Variants in CDC42BPA observed in about 807,000 individuals in gnomAD.
The protein encoded by CDC42BPA is serine/threonine-protein kinase MRCK alpha.
CDC42BPA carries 80 observed loss-of-function variants against 223.5 expected under a neutral mutation model. That is an observed-to-expected ratio of 0.36 (90% CI 0.30 to 0.43). The LOEUF is 0.43. Ranked by LOEUF, CDC42BPA falls within the 20% of genes least tolerant of loss-of-function variation. The pLI is 1.00. For missense variants in CDC42BPA, 1,743 were observed against 2,099.9 expected, an observed-to-expected ratio of 0.83 and a Z score of 3.32; for synonymous variants, 694 against 718.6, an observed-to-expected ratio of 0.97 and a Z score of 0.55.
intron 5 of CDC42BPA, among the ~76,000 whole-genome samples, chr1:227,175,146 C>T (rs990675526): frequency 6.6e-5 from 10 of 152,058 alleles, no homozygotes; most frequent in Non-Finnish European, 1.0e-4. Flanking sequence ...AATATATTTT[C>T]GTGTACATTC....
Position 227,269,322 on chromosome 1 carries a change from A to C in CDC42BPA, c.179-15167T>G, listed in dbSNP as rs115317532. Among the ~76,000 whole-genome samples the C allele has an allele frequency of 6.0e-3, 914 of 152,356 alleles. 10 individuals carry two copies. Among genetic ancestry groups the C allele is most frequent in the African/African-American group, 0.021 (861 of 41,592 alleles). On this transcript the variant is annotated intron_variant, in intron 1 of 36. Transcript: ENST00000366766. ...TTTTAAATGAGTGGGAGAAAGATGA[A>C]CTATTTGGAAAAAAACTTTAATCCA...
rs188553074 is a variant in CDC42BPA at position 227,187,122 on chromosome 1, A to T, written c.599+6664T>A. Among the ~76,000 whole-genome samples the T allele has an allele frequency of 1.3e-4, 20 of 152,352 alleles. No homozygotes were observed. In the East Asian group the frequency reaches 3.9e-3, roughly 29 times the overall value. ...TTTCTAATCTTGTTATTTAAGGTTA[A>T]CAACATCATATCTGTCTTTCAACAA... On this transcript the variant is annotated intron_variant, in intron 5 of 36. Transcript: ENST00000366766.
intron 5 of CDC42BPA, among the ~76,000 whole-genome samples, chr1:227,163,824 T>C (rs1664554209): frequency 6.6e-6 from 1 of 151,810 alleles, no homozygotes; most frequent in African/African-American, 2.4e-5. Context: ...AAGGATGGTG[T>C]CCTAATTTTC....
intron 6 of CDC42BPA, among the ~76,000 whole-genome samples, chr1:227,152,634 C>T (rs187738117): frequency 6.6e-6 from 1 of 152,210 alleles, no homozygotes; most frequent in East Asian, 1.9e-4. Context: ...CAAACTCAAG[C>T]ATACATGCAA....
chr1:227,266,740 T>C (rs77939135), intron 1 of CDC42BPA, among the ~76,000 whole-genome samples: 1,636 of 152,304 alleles, frequency 0.011, 17 homozygotes, highest in African/African-American at 0.037. Context: ...TTAACAAGCT[T>C]GACATTTTAT....
At chr1:227,270,372 G>A (rs114615510) in intron 1 of CDC42BPA, among the ~76,000 whole-genome samples, 8,199 of 152,172 alleles carry the variant, frequency 0.054, 246 homozygotes, top group Non-Finnish European at 0.073. Flanking sequence ...AGGAAAGACG[G>A]CACCTCCACT....
rs1660721885 is a variant in CDC42BPA at position 226,991,345 on chromosome 1, A to ACTC, written c.*2920_*2922dup. ...ACTTTATCTGTGAGCTGTGCTACTG[A>ACTC]CTCCTCTGAATGGTCATTATGTTTT... On this transcript the variant is annotated 3_prime_UTR_variant, in exon 37 of 37. Transcript: ENST00000366766. 6.6e-6 allele frequency: 1 copy of ACTC among 152,104 alleles called. No homozygotes were observed. Among genetic ancestry groups the ACTC allele is most frequent in the African/African-American group, 2.4e-5 (1 of 41,400 alleles). 9.4% of individuals were successfully genotyped at this position (152,104 alleles called of 1,614,324 possible).
chr1:227,101,380 T>G lies in CDC42BPA; in HGVS notation c.2002-141A>C, dbSNP rs1685031910. ...CAAAAATAAAATTCTATGTTAAATC[T>G]ACTAACTTTTTGCCTGCCATATATT... On this transcript the variant is annotated intron_variant, in intron 14 of 36. Coordinates refer to ENST00000366766, the MANE Select transcript of CDC42BPA (RefSeq NM_001394014.1). The G allele has an allele frequency of 3.4e-5, 17 of 494,178 alleles. No individual in the cohort carries two copies. The East Asian group carries it at 5.5e-4, about 16-fold the overall frequency. 30.6% of individuals were successfully genotyped at this position (494,178 alleles called of 1,614,324 possible). A position where few individuals can be genotyped will look rare whatever the true frequency, so the allele number is the denominator to read the frequency against.
intron 1 of CDC42BPA, among the ~76,000 whole-genome samples, chr1:227,258,919 G>A (rs746777436): frequency 1.3e-5 from 2 of 150,866 alleles, no homozygotes; most frequent in Non-Finnish European, 2.9e-5. Context: ...TAATCACTAC[G>A]CTACTGCCCT....
At chr1:227,025,292 T>C (rs914133278) in intron 31 of CDC42BPA, among the ~76,000 whole-genome samples, 1 of 152,028 alleles carries the variant, frequency 6.6e-6, no homozygotes, top group African/African-American at 2.4e-5. Flanking sequence ...TAATGACCAA[T>C]CCAAATTTAC....
At chr1:227,070,672 T>TG (rs1212527065) in intron 20 of CDC42BPA, among the ~76,000 whole-genome samples, 2 of 151,786 alleles carry the variant, frequency 1.3e-5, no homozygotes, top group East Asian at 3.9e-4. Flanking sequence ...CCTAGAGACT[T>TG]GGGGAAATAA....
intron 23 of CDC42BPA, among the ~76,000 whole-genome samples, chr1:227,045,861 T>C (rs1019205052): frequency 7.2e-5 from 11 of 152,218 alleles, no homozygotes; most frequent in Admixed American, 7.2e-4. Context: ...GGCTGGAGTT[T>C]AGTGGTGCGA....
intron 2 of CDC42BPA, among the ~76,000 whole-genome samples, chr1:227,218,042 T>A (rs977165776): frequency 6.6e-6 from 1 of 152,166 alleles, no homozygotes; most frequent in Non-Finnish European, 1.5e-5. Context: ...CACCTAGTAA[T>A]TGGGAATCTA....
chr1:227,013,569 C>A (rs1665627833), intron 34 of CDC42BPA, among the ~76,000 whole-genome samples: 2 of 151,988 alleles, frequency 1.3e-5, no homozygotes, highest in Admixed American at 1.3e-4. Context: ...GATTTTTCAC[C>A]TGATGGCAGA....
At position 227,129,182 on chromosome 1, in the gene CDC42BPA, T is replaced by C; in HGVS notation, c.1440A>G (p.Pro480=). ...TTTCTAAATCTTTGCTTGCTGTTAG[T>C]GGACCATCAACAGTTGAATACTGCA... ...QALQYSTVDG[P]LTASKDLEIK... is the part of the protein sequence containing the mutation. The change falls in exon 11 of 37, where the codon CCA becomes CCG. Residue 480 remains proline, a synonymous_variant. Coordinates refer to ENST00000366766, the MANE Select transcript of CDC42BPA (RefSeq NM_001394014.1). 1 of 1,590,766 alleles carries C rather than the reference T, an allele frequency of 6.3e-7. No homozygotes were observed. The highest frequency in any genetic ancestry group is 8.6e-7 in the Non-Finnish European group (1 of 1,161,866).
intron 5 of CDC42BPA, among the ~76,000 whole-genome samples, chr1:227,188,707 A>T (rs1669231341): frequency 6.6e-6 from 1 of 152,198 alleles, no homozygotes; most frequent in Non-Finnish European, 1.5e-5. Flanking sequence ...AGGGAGGAAT[A>T]AAGAGGTGGA....
intron 16 of CDC42BPA, among the ~76,000 whole-genome samples, chr1:227,086,979 T>C (rs1340591745): frequency 6.6e-6 from 1 of 152,130 alleles, no homozygotes; most frequent in Non-Finnish European, 1.5e-5. Context: ...ACCTTAAGAG[T>C]TCTTTACATA....
intron 6 of CDC42BPA, among the ~76,000 whole-genome samples, chr1:227,158,975 C>A (rs1663339083): frequency 6.6e-6 from 1 of 152,112 alleles, no homozygotes; most frequent in Non-Finnish European, 1.5e-5. Context: ...AGTCTTTGCG[C>A]AATCGTGAGG....
Position 227,128,169 on chromosome 1 carries a change from T to G in CDC42BPA, c.1513+940A>C, listed in dbSNP as rs140656153. Among the ~76,000 whole-genome samples, 289 of 152,316 alleles carry G rather than the reference T, an allele frequency of 1.9e-3. 2 individuals are homozygous for G. The highest frequency in any genetic ancestry group is 6.5e-3 in the African/African-American group (272 of 41,570). On this transcript the variant is annotated intron_variant, in intron 11 of 36. Coordinates refer to ENST00000366766, the MANE Select transcript of CDC42BPA (RefSeq NM_001394014.1). ...AGCCATCCAGTACTCTCTGTTTTAC[T>G]TGAACACCTGGGGCACATTTGATTT...
Sources: gnomAD v4.1 joint callset for allele counts (sites outside exome capture counted in the v4.1 genomes callset) on GRCh38, gnomAD v4.1.1 for gene constraint, MANE v1.5 for transcripts, NCBI Gene and HGNC (gene_info 2026-07-23, HGNC 2026-07-21) for gene names.